Variants in KCNQ5 observed in about 807,000 individuals in gnomAD.
KCNQ5 encodes potassium voltage-gated channel subfamily Q member 5, also known as potassium voltage-gated channel subfamily KQT member 5.
A neutral mutation model predicts 98.2 loss-of-function variants in KCNQ5; 30 were observed. That is an observed-to-expected ratio of 0.31 (90% CI 0.23 to 0.41). The LOEUF is 0.41. Ranked by LOEUF, KCNQ5 falls within the 10% of genes least tolerant of loss-of-function variation. The pLI, the probability that KCNQ5 is intolerant of heterozygous loss-of-function variation, is 1.00. For synonymous variants in KCNQ5, 458 were observed against 449.4 expected, an observed-to-expected ratio of 1.02 and a Z score of -0.24; for missense variants, 835 against 1,182.5, an observed-to-expected ratio of 0.71 and a Z score of 4.31.
chr6:73,082,791 G>A (rs1384617336), intron 5 of KCNQ5, among the ~76,000 whole-genome samples: 1 of 152,038 alleles, frequency 6.6e-6, no homozygotes, highest in Admixed American at 6.5e-5. Context: ...AACATACTGA[G>A]GCTTGCAGAG....
chr6:72,915,761 A>G (rs1780110477), intron 1 of KCNQ5, among the ~76,000 whole-genome samples: 1 of 152,198 alleles, frequency 6.6e-6, no homozygotes, highest in Non-Finnish European at 1.5e-5. Context: ...ATTTCCAACC[A>G]ATAGAAAATG....
intron 1 of KCNQ5, among the ~76,000 whole-genome samples, chr6:72,623,262 G>T (rs2098916385): frequency 6.6e-6 from 1 of 152,216 alleles, no homozygotes; most frequent in East Asian, 1.9e-4. Flanking sequence ...GCTGCAGGGG[G>T]CGGGGAGGCA....
At chr6:73,120,975 T>C (rs1775723778) in intron 8 of KCNQ5, among the ~76,000 whole-genome samples, 1 of 152,194 alleles carries the variant, frequency 6.6e-6, no homozygotes, top group South Asian at 2.1e-4. Context: ...AATCCATCTT[T>C]GTACGTTTAG....
At chr6:72,796,449 T>C (rs1473045935) in intron 1 of KCNQ5, among the ~76,000 whole-genome samples, 1 of 151,952 alleles carries the variant, frequency 6.6e-6, no homozygotes, top group African/African-American at 2.4e-5. Context: ...ACTGGTTACC[T>C]CAATTCATTA....
chr6:72,674,823 G>A (rs1353734011), intron 1 of KCNQ5, among the ~76,000 whole-genome samples: 1 of 152,032 alleles, frequency 6.6e-6, no homozygotes, highest in African/African-American at 2.4e-5. Context: ...GGGAGTAAGT[G>A]TGGCAAATTA....
At chr6:72,873,743 T>C (rs1032375579) in intron 1 of KCNQ5, among the ~76,000 whole-genome samples, 1 of 152,088 alleles carries the variant, frequency 6.6e-6, no homozygotes, top group East Asian at 1.9e-4. Context: ...TAGAAAAAAC[T>C]GTTTTCTTGT....
intron 1 of KCNQ5, among the ~76,000 whole-genome samples, chr6:72,680,281 T>C (rs1767640436): frequency 1.3e-5 from 2 of 152,222 alleles, no homozygotes; most frequent in South Asian, 2.1e-4. Context: ...AATGGAATCA[T>C]GTAATATGTG....
intron 1 of KCNQ5, among the ~76,000 whole-genome samples, chr6:72,655,044 CTTTCTT>C (rs1565060321): frequency 2.2e-4 from 32 of 145,490 alleles, no homozygotes; most frequent in South Asian, 1.3e-3. Context: ...TTCTTTCTTT[CTTTCTT>C]TCTTTCTTTC....
intron 5 of KCNQ5, among the ~76,000 whole-genome samples, chr6:73,090,174 A>AT (rs1774178043): frequency 6.6e-6 from 1 of 151,964 alleles, no homozygotes; most frequent in Admixed American, 6.6e-5. Flanking sequence ...GATGTTGAGC[A>AT]TTTTTTCATG....
intron 9 of KCNQ5, among the ~76,000 whole-genome samples, chr6:73,131,435 A>T (rs1776234486): frequency 6.6e-6 from 1 of 152,206 alleles, no homozygotes; most frequent in Non-Finnish European, 1.5e-5. Flanking sequence ...AAAATCAAAT[A>T]TAGTGAGGAC....
chr6:73,071,482 A>G (rs1773297080), intron 3 of KCNQ5, among the ~76,000 whole-genome samples: 1 of 152,226 alleles, frequency 6.6e-6, no homozygotes, highest in African/African-American at 2.4e-5. Context: ...ATAAAGGAAT[A>G]CACAAAGCTG....
chr6:72,655,031 T>TCC (rs750825750), intron 1 of KCNQ5, among the ~76,000 whole-genome samples: 3 of 48,348 alleles, frequency 6.2e-5, no homozygotes, highest in Non-Finnish European at 1.3e-4. Flanking sequence ...TGTCTGTCTT[T>TCC]CTTTCTTTCT....
intron 1 of KCNQ5, among the ~76,000 whole-genome samples, chr6:72,892,735 A>C: frequency 6.6e-6 from 1 of 152,050 alleles, no homozygotes. Flanking sequence ...AAGACAATGT[A>C]TCTTATATCC....
chr6:73,013,323 G>A (rs1040499708), intron 2 of KCNQ5, among the ~76,000 whole-genome samples: 2 of 151,976 alleles, frequency 1.3e-5, no homozygotes, highest in Admixed American at 1.3e-4. Flanking sequence ...CTCTTCTCTC[G>A]ATGTCTGCAT....
chr6:73,049,556 A>C (rs1293148640), intron 3 of KCNQ5, among the ~76,000 whole-genome samples: 3 of 152,230 alleles, frequency 2.0e-5, no homozygotes, highest in African/African-American at 7.2e-5. Context: ...TGTTAGAGTC[A>C]AATTTAATTA....
At chr6:72,782,146 A>G (rs748510983) in intron 1 of KCNQ5, among the ~76,000 whole-genome samples, 34 of 152,050 alleles carry the variant, frequency 2.2e-4, no homozygotes, top group Non-Finnish European at 4.1e-4. Flanking sequence ...TCTCCTTACA[A>G]TTCATTTTTC....
chr6:72,627,368 G>A (rs1314766288), intron 1 of KCNQ5, among the ~76,000 whole-genome samples: 2 of 152,170 alleles, frequency 1.3e-5, no homozygotes, highest in Non-Finnish European at 2.9e-5. Context: ...AGAGCCAATG[G>A]AAGAACCTGG....
At chr6:72,721,789 T>C (rs1370108889) in intron 1 of KCNQ5, among the ~76,000 whole-genome samples, 25 of 152,196 alleles carry the variant, frequency 1.6e-4, no homozygotes, top group Admixed American at 1.6e-3. Flanking sequence ...TTCTCACTTG[T>C]CTTCAATTGG....
At chr6:72,924,083 T>G (rs936906242) in intron 1 of KCNQ5, among the ~76,000 whole-genome samples, 1 of 152,236 alleles carries the variant, frequency 6.6e-6, no homozygotes, top group African/African-American at 2.4e-5. Context: ...GAGATTTTTA[T>G]AGTATTGTTC....
Sources: allele counts gnomAD v4.1 joint callset (sites outside exome capture counted in the v4.1 genomes callset), GRCh38; gene constraint gnomAD v4.1.1; transcripts MANE v1.5; gene names NCBI Gene and HGNC (gene_info 2026-07-23, HGNC 2026-07-21).